COX7B2: variants seen among roughly 807,000 people sequenced by gnomAD.
The protein encoded by COX7B2 is cytochrome c oxidase subunit 7B2, also known as cytochrome c oxidase subunit 7B2, mitochondrial.
For missense variants in COX7B2, 109 were observed against 95.9 expected, an observed-to-expected ratio of 1.14 and a Z score of -0.57; for synonymous variants, 37 against 32.1, an observed-to-expected ratio of 1.15 and a Z score of -0.51.
intron 1 of COX7B2, among the ~76,000 whole-genome samples, chr4:46,863,925 G>A (rs1287926830): frequency 6.6e-6 from 1 of 152,102 alleles, no homozygotes; most frequent in Admixed American, 6.5e-5. Context: ...TTCTCACCTG[G>A]ACTAAAATGT....
intron 2 of COX7B2, among the ~76,000 whole-genome samples, chr4:46,839,005 T>C (rs1350733975): frequency 2.0e-5 from 3 of 151,984 alleles, no homozygotes; most frequent in Admixed American, 6.6e-5. Context: ...TTTCAAAACA[T>C]CAACTCATTA....
intron 2 of COX7B2, among the ~76,000 whole-genome samples, chr4:46,774,272 C>T (rs1305872202): frequency 6.6e-6 from 1 of 152,112 alleles, no homozygotes; most frequent in Non-Finnish European, 1.5e-5. Flanking sequence ...ACATTTATAA[C>T]CCGTTACCTT....
intron 2 of COX7B2, among the ~76,000 whole-genome samples, chr4:46,835,656 C>T (rs1480113089): frequency 6.6e-6 from 1 of 152,106 alleles, no homozygotes; most frequent in Non-Finnish European, 1.5e-5. Flanking sequence ...AACATAGGTC[C>T]ATTTATTTCT....
At chr4:46,842,557 C>G (rs559846667) in intron 2 of COX7B2, among the ~76,000 whole-genome samples, 2 of 152,012 alleles carry the variant, frequency 1.3e-5, no homozygotes, top group South Asian at 2.1e-4. Flanking sequence ...CCCACTCCCC[C>G]CACCCCACAA....
chr4:46,855,668 G>A (rs1205890881), intron 1 of COX7B2, among the ~76,000 whole-genome samples: 2 of 152,018 alleles, frequency 1.3e-5, no homozygotes, highest in African/African-American at 4.8e-5. Context: ...ACCCAAATTT[G>A]TTGAACTCAT....
intron 2 of COX7B2, among the ~76,000 whole-genome samples, chr4:46,838,102 T>C (rs1715659396): frequency 6.6e-6 from 1 of 152,038 alleles, no homozygotes; most frequent in African/African-American, 2.4e-5. Context: ...CAAAATAGTT[T>C]CAAAAAATTT....
Position 46,831,157 on chromosome 4 carries a change from G to A in COX7B2, c.-50+13803C>T, listed in dbSNP as rs185319314. Among the ~76,000 whole-genome samples, 706 of 152,092 alleles carry A rather than the reference G, an allele frequency of 4.6e-3. 6 individuals carry two copies. Among genetic ancestry groups the A allele is most frequent in the African/African-American group, 0.016 (660 of 41,562 alleles). On this transcript the variant is annotated intron_variant, in intron 2 of 2. Coordinates refer to ENST00000355591, the MANE Select transcript of COX7B2 (RefSeq NM_130902.3). ...AGTGGCCGGCCGGCCTGCCAGCCCC[G>A]GGCAGTGAAAGGCTTAGCCCCCAGG...
chr4:46,797,092 TAAAAAAAAAAA>T (rs762801656), intron 2 of COX7B2, among the ~76,000 whole-genome samples: 4 of 62,562 alleles, frequency 6.4e-5, no homozygotes, highest in African/African-American at 9.0e-5. Flanking sequence ...TAGAGTATAA[TAAAAAAAAAAA>T]AAAAAAAAAA....
At chr4:46,892,484 C>T (rs754172726) in intron 1 of COX7B2, among the ~76,000 whole-genome samples, 2 of 152,136 alleles carry the variant, frequency 1.3e-5, no homozygotes, top group Non-Finnish European at 2.9e-5. Flanking sequence ...GTATTCTTTG[C>T]ATATGAGTTA....
chr4:46,857,497 T>C (rs993706915), intron 1 of COX7B2, among the ~76,000 whole-genome samples: 6 of 152,220 alleles, frequency 3.9e-5, no homozygotes, highest in Non-Finnish European at 8.8e-5. Flanking sequence ...CATTTTCTTT[T>C]CTAGGCTTCA....
chr4:46,871,821 C>T (rs1012479409), intron 1 of COX7B2, among the ~76,000 whole-genome samples: 10 of 151,328 alleles, frequency 6.6e-5, no homozygotes, highest in African/African-American at 1.9e-4. Flanking sequence ...AAAAAAAATA[C>T]CAGATACTGG....
At chr4:46,887,026 T>G (rs930602065) in intron 1 of COX7B2, among the ~76,000 whole-genome samples, 38 of 152,288 alleles carry the variant, frequency 2.5e-4, no homozygotes, top group African/African-American at 9.1e-4. Flanking sequence ...TAAAAACAAT[T>G]TGTATTACAA....
intron 2 of COX7B2, among the ~76,000 whole-genome samples, chr4:46,820,746 G>T (rs1044842515): frequency 1.7e-4 from 25 of 151,308 alleles, no homozygotes; most frequent in Non-Finnish European, 2.1e-4. Context: ...ACTGGAACCT[G>T]GGAGGCAGAG....
In COX7B2 at chr4:46,791,255, C is replaced by T. The variant is rs368932358; in HGVS notation, c.-50+53705G>A. Reference sequence around the variant, plus strand: ...CCATCTCCTGACCTCGTGATCCTCCCGCCTTGGCCTCCCAAAGTGCTGGGA... The same window carrying T: ...CCATCTCCTGACCTCGTGATCCTCCTGCCTTGGCCTCCCAAAGTGCTGGGA... On this transcript the variant is annotated intron_variant, in intron 2 of 2. Transcript: ENST00000355591. Among the ~76,000 whole-genome samples, 6 of 152,062 alleles carry T rather than the reference C, an allele frequency of 3.9e-5. No individual in the cohort carries two copies. The East Asian group carries it at 5.8e-4, about 15-fold the overall frequency.
chr4:46,753,352 T>C (rs899084797), intron 2 of COX7B2, among the ~76,000 whole-genome samples: 3 of 152,096 alleles, frequency 2.0e-5, no homozygotes, highest in Non-Finnish European at 4.4e-5. Context: ...ATTTTGTTGA[T>C]CTTTTCAAAA....
intron 1 of COX7B2, among the ~76,000 whole-genome samples, chr4:46,861,302 C>G (rs1717321653): frequency 6.6e-6 from 1 of 152,164 alleles, no homozygotes; most frequent in South Asian, 2.1e-4. Flanking sequence ...GTACCCTGTA[C>G]CTATGCCCTC....
intron 1 of COX7B2, among the ~76,000 whole-genome samples, chr4:46,876,984 T>C (rs966889985): frequency 2.0e-5 from 3 of 152,224 alleles, no homozygotes; most frequent in Non-Finnish European, 2.9e-5. Flanking sequence ...AGAAATCATA[T>C]TATCACTTTG....
chr4:46,803,931 T>C (rs764294917), intron 2 of COX7B2, among the ~76,000 whole-genome samples: 4 of 152,098 alleles, frequency 2.6e-5, no homozygotes, highest in Non-Finnish European at 5.9e-5. Context: ...CCGGAATTGG[T>C]GGGTTGTTGG....
chr4:46,897,916 A>C (rs1444981514), intron 1 of COX7B2, among the ~76,000 whole-genome samples: 1 of 152,088 alleles, frequency 6.6e-6, no homozygotes, highest in Non-Finnish European at 1.5e-5. Context: ...TTGACATTAT[A>C]ATTTCCTCAG....
Sources: gnomAD v4.1 joint callset for allele counts (sites outside exome capture counted in the v4.1 genomes callset) on GRCh38, gnomAD v4.1.1 for gene constraint, MANE v1.5 for transcripts, NCBI Gene and HGNC (gene_info 2026-07-23, HGNC 2026-07-21) for gene names.